PKHD1: variants seen among roughly 807,000 people sequenced by gnomAD.
The protein encoded by PKHD1 is fibrocystin.
PKHD1 carries 291 observed loss-of-function variants against 412.0 expected under a neutral mutation model. The ratio of observed to expected loss-of-function variants is 0.71; its 90% confidence interval spans 0.64 to 0.78. PKHD1 has a LOEUF of 0.78. Ranked by LOEUF, PKHD1 falls within the 30% of genes least tolerant of loss-of-function variation. PKHD1 has a pLI of 0.00. For missense variants in PKHD1, 4,825 were observed against 4,950.7 expected, an observed-to-expected ratio of 0.97 and a Z score of 0.76; for synonymous variants, 1,777 against 1,821.5, an observed-to-expected ratio of 0.98 and a Z score of 0.62.
intron 52 of PKHD1, among the ~76,000 whole-genome samples, chr6:51,803,740 CTT>C (rs1763273345): frequency 6.6e-6 from 1 of 151,436 alleles, no homozygotes; most frequent in Non-Finnish European, 1.5e-5. Flanking sequence ...GAGTTTCACT[CTT>C]GTCACCCAGG....
intron 27 of PKHD1, among the ~76,000 whole-genome samples, chr6:52,039,127 G>C (rs147447649): frequency 1.3e-5 from 2 of 152,298 alleles, no homozygotes; most frequent in East Asian, 3.9e-4. Context: ...CACATGAAAA[G>C]ATATTCAACA....
intron 53 of PKHD1, among the ~76,000 whole-genome samples, chr6:51,789,627 T>C (rs1313447449): frequency 6.6e-6 from 1 of 152,206 alleles, no homozygotes; most frequent in African/African-American, 2.4e-5. Flanking sequence ...TAATTGTGGT[T>C]ATATTTGCAC....
intron 37 of PKHD1, among the ~76,000 whole-genome samples, chr6:51,921,500 T>C (rs949068457): frequency 2.6e-5 from 4 of 152,230 alleles, no homozygotes; most frequent in African/African-American, 4.8e-5. Context: ...GAAATTCTCC[T>C]GGATAATATC....
rs866082611 is a variant in PKHD1, at chr6:52,083,214, G to C, written c.94C>G (p.Leu32Val). The C allele has an allele frequency of 6.2e-7, 1 of 1,612,260 alleles. No individual in the cohort carries two copies. The highest frequency in any genetic ancestry group is 1.1e-5 in the South Asian group (1 of 91,036). ...ACTGTGATCCACGTTCCCCCTGCAA[G>C]GCTACCTTCTTCAGGTTCAATATGT... ...SLHIEPEEGS[L>V]AGGTWITVIF... Residue 32 changes from leucine (L) to valine (V), a missense_variant, in exon 3 of 67, where the codon CTT (leucine) becomes GTT (valine). Leu to Val is a conservative substitution (Grantham distance 32, BLOSUM62 1). Coordinates refer to ENST00000371117, the MANE Select transcript of PKHD1 (RefSeq NM_138694.4).
In PKHD1 at chr6:52,025,589, A is replaced by T. The variant is rs766639774; in HGVS notation, c.4221T>A (p.Leu1407=). The T allele has an allele frequency of 3.7e-6, 6 of 1,614,154 alleles. No homozygotes were observed. The highest frequency in any genetic ancestry group is 3.3e-4 in the Middle Eastern group (2 of 6,062). Residue 1407 remains leucine, a synonymous_variant, in exon 32 of 67, where the codon CTT becomes CTA. Coordinates refer to ENST00000371117, the MANE Select transcript of PKHD1 (RefSeq NM_138694.4). ...AGTTAAGAAGCAACCCCCTCACAGT[A>T]AGTATGGTCCCACCACATGCCGAAC... ...SQGSACGGTI[L]TVRGLLLNSR... is the part of the protein sequence containing the mutation.
At chr6:51,838,116 A>G (rs1769558202) in intron 50 of PKHD1, among the ~76,000 whole-genome samples, 1 of 152,190 alleles carries the variant, frequency 6.6e-6, no homozygotes. Flanking sequence ...CATTCTCTAA[A>G]GTTCTAAAGT....
chr6:52,067,104 A>C (rs926282950), intron 11 of PKHD1, among the ~76,000 whole-genome samples: 7 of 152,166 alleles, frequency 4.6e-5, no homozygotes, highest in African/African-American at 1.7e-4. Flanking sequence ...GTTACCCCTG[A>C]AAAATAGACA....
At chr6:51,714,940 C>T (rs1411003203) in intron 60 of PKHD1, among the ~76,000 whole-genome samples, 1 of 151,802 alleles carries the variant, frequency 6.6e-6, no homozygotes, top group Admixed American at 6.6e-5. Flanking sequence ...GAATACAAGA[C>T]CATTTTCACA....
intron 36 of PKHD1, among the ~76,000 whole-genome samples, chr6:51,957,521 C>A (rs1240512349): frequency 6.6e-6 from 1 of 152,032 alleles, no homozygotes; most frequent in African/African-American, 2.4e-5. Context: ...TTAAGATGGT[C>A]TAGGCCAAAA....
At chr6:51,837,959 G>A (rs1407386785) in intron 50 of PKHD1, among the ~76,000 whole-genome samples, 2 of 152,214 alleles carry the variant, frequency 1.3e-5, no homozygotes, top group Non-Finnish European at 2.9e-5. Context: ...CCACTTCCAA[G>A]ACTTTGCTTA....
At chr6:52,027,735 G>T in intron 31 of PKHD1, 94 bp downstream of exon 31, 3 of 918,424 alleles carry the variant, frequency 3.3e-6, no homozygotes, top group Non-Finnish European at 5.4e-6. Flanking sequence ...CCCTCTCTCT[G>T]ACCTCACTGG....
At chr6:51,894,009 T>G (rs1473148110) in intron 43 of PKHD1, among the ~76,000 whole-genome samples, 1 of 152,234 alleles carries the variant, frequency 6.6e-6, no homozygotes, top group African/African-American at 2.4e-5. Flanking sequence ...CTCTGAGCTC[T>G]GGAAGTGAAC....
Position 51,619,570 on chromosome 6 carries a change from T to G in PKHD1, c.11786-50A>C. 5 of 1,448,446 alleles carry G rather than the reference T, an allele frequency of 3.5e-6. No homozygotes were observed. The Middle Eastern group carries it at 8.6e-4, about 251-fold the overall frequency. 89.7% of individuals were successfully genotyped at this position (1,448,446 alleles called of 1,614,324 possible). On this transcript the variant is annotated intron_variant, in intron 66 of 66. Transcript: ENST00000371117. Reference sequence around the variant, plus strand: ...GAAATGGATTTAGTTTTCAACCAGTTAATTACACATTTTGCATACTTAGCA... The same window carrying G: ...GAAATGGATTTAGTTTTCAACCAGTGAATTACACATTTTGCATACTTAGCA...
chr6:51,694,356 TTTC>T (rs1391332734), intron 60 of PKHD1, among the ~76,000 whole-genome samples: 1 of 151,798 alleles, frequency 6.6e-6, no homozygotes, highest in Non-Finnish European at 1.5e-5. Flanking sequence ...TCCATATGGA[TTTC>T]TTTTTTTAAT....
Position 52,046,195 on chromosome 6 carries a change from G to A in PKHD1, c.2408-7C>T. 1 of 1,607,010 alleles carries A rather than the reference G, an allele frequency of 6.2e-7. No homozygotes were observed. The highest frequency in any genetic ancestry group is 1.1e-5 in the South Asian group (1 of 90,940). On this transcript the variant is annotated splice_region_variant and splice_polypyrimidine_tract_variant and intron_variant, in intron 23 of 66. Coordinates refer to ENST00000371117, the MANE Select transcript of PKHD1 (RefSeq NM_138694.4). Reference sequence around the variant, plus strand: ...GAAATTTGTACAGGGACATCTGTGAGAGAAGGTTTTGATACAGAAAACACA... The same window carrying A: ...GAAATTTGTACAGGGACATCTGTGAAAGAAGGTTTTGATACAGAAAACACA...
intron 55 of PKHD1, among the ~76,000 whole-genome samples, chr6:51,764,094 TC>T (rs1788524587): frequency 9.4e-6 from 1 of 106,054 alleles, no homozygotes; most frequent in Non-Finnish European, 1.9e-5. Context: ...ATGCTATCCC[TC>T]CCCCCTCCCC....
rs939970601 is a variant in PKHD1, at chr6:51,754,801, A to G, written c.8780T>C (p.Leu2927Pro). The G allele has an allele frequency of 1.9e-6, 3 of 1,613,596 alleles. No homozygotes were observed. Among genetic ancestry groups the G allele is most frequent in the Non-Finnish European group, 2.5e-6 (3 of 1,179,638 alleles). Reference protein sequence around the residue: ...KGHHVRIYERLKHRHIGSVHV... With the variant: ...KGHHVRIYERPKHRHIGSVHV... Reference sequence around the variant, plus strand: ...AGCCTTACCAATATGCCGGTGTTTGAGCCGTTCATAGATCCTCACATGGTG... The same window carrying G: ...AGCCTTACCAATATGCCGGTGTTTGGGCCGTTCATAGATCCTCACATGGTG... The change falls in exon 56 of 67, where the codon CTC becomes CCC. Residue 2927 changes from leucine (L) to proline (P), a missense_variant. Coordinates refer to ENST00000371117, the MANE Select transcript of PKHD1 (RefSeq NM_138694.4).
intron 45 of PKHD1, among the ~76,000 whole-genome samples, chr6:51,885,093 T>TC (rs1778000826): frequency 2.6e-5 from 4 of 152,196 alleles, no homozygotes; most frequent in African/African-American, 7.2e-5. Flanking sequence ...CAAACATAGT[T>TC]CTTCACCTAT....
intron 49 of PKHD1, among the ~76,000 whole-genome samples, chr6:51,848,211 A>C (rs1361124448): frequency 2.0e-5 from 3 of 152,206 alleles, no homozygotes. Context: ...AAGATGCCAT[A>C]AGGTTCATCT....
Sources: allele counts gnomAD v4.1 joint callset (sites outside exome capture counted in the v4.1 genomes callset), GRCh38; gene constraint gnomAD v4.1.1; transcripts MANE v1.5; gene names NCBI Gene and HGNC (gene_info 2026-07-23, HGNC 2026-07-21).